The following FAM3B variants were observed in gnomAD, a reference collection of about 807,000 sequenced individuals.
The protein encoded by FAM3B is protein FAM3B.
In FAM3B, 29 loss-of-function variants were observed where a neutral mutation model predicts 28.4. The observed-to-expected ratio is 1.02, with a 90% CI of 0.76 to 1.39. FAM3B has a LOEUF of 1.39. FAM3B is among the 40% of genes most tolerant of loss of function. The pLI is 0.00. For missense variants in FAM3B, 266 were observed against 293.9 expected (o/e 0.91, Z 0.69); for synonymous variants, 91 against 103.0 (o/e 0.88, Z 0.71).
chr21:41,323,102 T>C, intron 2 of FAM3B, 36 bp downstream of exon 2: 1 of 1,596,244 alleles, frequency 6.3e-7, no homozygotes, highest in East Asian at 2.2e-5. Context: ...GCTGCCTTCA[T>C]GGCTTGTGTG....
At chr21:41,342,623 A>G (rs2089017973) in intron 3 of FAM3B, among the ~76,000 whole-genome samples, 1 of 152,082 alleles carries the variant, frequency 6.6e-6, no homozygotes, top group Non-Finnish European at 1.5e-5. Flanking sequence ...TTCAATCACT[A>G]CTGATTTTAG....
chr21:41,310,675 T>C (rs2088703917), intron 1 of FAM3B, among the ~76,000 whole-genome samples: 1 of 152,196 alleles, frequency 6.6e-6, no homozygotes, highest in South Asian at 2.1e-4. Flanking sequence ...TGCACCATCC[T>C]CTGGTACTCC....
At chr21:41,346,975 C>T (rs2089066388) in intron 5 of FAM3B, 38 bp from the exon 6 acceptor site, 2 of 1,587,438 alleles carry the variant, frequency 1.3e-6, no homozygotes, top group African/African-American at 1.3e-5. Flanking sequence ...CCTCAGTGAA[C>T]AGCAAAGACC....
At chr21:41,333,074 C>T (rs1048284344) in intron 2 of FAM3B, among the ~76,000 whole-genome samples, 1 of 147,124 alleles carries the variant, frequency 6.8e-6, no homozygotes, top group African/African-American at 2.5e-5. Context: ...TTACCATAAA[C>T]TCCTCTGTTA....
At chr21:41,343,098 G>T (rs1169589248) in intron 3 of FAM3B, among the ~76,000 whole-genome samples, 1 of 152,156 alleles carries the variant, frequency 6.6e-6, no homozygotes, top group Non-Finnish European at 1.5e-5. Flanking sequence ...TCACTTTCAG[G>T]ATTCAACCCT....
At chr21:41,313,735 C>G (rs112692824), upstream of FAM3B, among the ~76,000 whole-genome samples, 12 of 150,636 alleles carry the variant, frequency 8.0e-5, no homozygotes, top group Non-Finnish European at 7.4e-5. Flanking sequence ...TGAACCTCAT[C>G]ATACAGTATG....
chr21:41,317,802 G>A (rs12106355), intron 1 of FAM3B, among the ~76,000 whole-genome samples: 1 of 152,262 alleles, frequency 6.6e-6, no homozygotes, highest in Admixed American at 6.6e-5. Flanking sequence ...TCACACTCCA[G>A]CAAGTTCTAA....
At chr21:41,306,419 C>T (rs890461572) in intron 1 of FAM3B, among the ~76,000 whole-genome samples, 1 of 152,216 alleles carries the variant, frequency 6.6e-6, no homozygotes, top group Non-Finnish European at 1.5e-5. Flanking sequence ...AGAGGAATCA[C>T]TCTTTATGGT....
rs1011630325 is a variant in FAM3B, at chr21:41,356,028, GA to G, written c.619-1073del. Among the ~76,000 whole-genome samples the G allele has an allele frequency of 1.0e-4, 14 of 138,830 alleles. No individual in the cohort carries two copies. The East Asian group carries it at 2.3e-3, about 22-fold the overall frequency. 91.1% of individuals were successfully genotyped at this position (138,830 alleles called of 152,430 possible). On this transcript the variant is annotated intron_variant, in intron 7 of 7. Coordinates refer to ENST00000357985, the MANE Select transcript of FAM3B (RefSeq NM_058186.4). ...GGAAGGAGCTATACAAGGACTCTGG[GA>G]AAAAAATACATACACACACACACAC... is the stretch of plus-strand genomic sequence containing the variant.
rs866571406 is a variant in FAM3B at position 41,317,302 on chromosome 21, G to T, written c.19+404G>T. ...CGCTTCTCCTTCCGGGGAAGGGTAC[G>T]CGCCTGCCCCTGCCCCTGACCTTGC... On this transcript the variant is annotated intron_variant, in intron 1 of 7. Transcript: ENST00000357985. Among the ~76,000 whole-genome samples, 3 of 147,614 alleles carry T rather than the reference G, an allele frequency of 2.0e-5. No individual in the cohort carries two copies. In the Admixed American group the frequency reaches 2.1e-4, roughly 10 times the overall value.
intron 7 of FAM3B, among the ~76,000 whole-genome samples, chr21:41,351,363 C>T (rs1384463678): frequency 6.6e-6 from 1 of 152,168 alleles, no homozygotes; most frequent in Non-Finnish European, 1.5e-5. Context: ...CCACCTGTGT[C>T]AGCTAAAAGT....
At chr21:41,352,796 A>AAAATAAATAAATAAAT (rs1555873398) in intron 7 of FAM3B, among the ~76,000 whole-genome samples, 1 of 27,574 alleles carries the variant, frequency 3.6e-5, no homozygotes, top group African/African-American at 3.1e-4. Context: ...CTCCATCTCA[A>AAAATAAATAAATAAAT]AAATAAATAA....
intron 7 of FAM3B, 113 bp downstream of exon 7, chr21:41,348,837 GC>G: frequency 1.7e-6 from 2 of 1,210,050 alleles, no homozygotes; most frequent in South Asian, 2.7e-5. Flanking sequence ...AGTTGTGTCA[GC>G]TGTTTCCATG....
intron 1 of FAM3B, chr21:41,322,647 CA>C (rs1308046707): frequency 1.1e-5 from 8 of 718,100 alleles, no homozygotes; most frequent in Non-Finnish European, 2.1e-5. Flanking sequence ...CATAAACGTT[CA>C]AGGACGTTTG....
At position 41,348,600 on chromosome 21, in the gene FAM3B, A is replaced by G. The variant is rs2089085834; in HGVS notation, c.494A>G (p.Asn165Ser). The change falls in exon 7 of 8, where the codon AAC becomes AGC. Residue 165 changes from asparagine to serine, a missense_variant. Transcript: ENST00000357985. ...TYDDGSTRLN[N>S]DAKNAIEALG... ...TTCCCTTTGTCCTGCAGACTGAATAACGATGCCAAGAATGCCATAGAAGCA... is the reference window on the plus strand; with the variant it reads ...TTCCCTTTGTCCTGCAGACTGAATAGCGATGCCAAGAATGCCATAGAAGCA... The G allele has an allele frequency of 1.9e-6, 3 of 1,614,224 alleles. No homozygotes were observed. Among genetic ancestry groups the G allele is most frequent in the East Asian group, 2.2e-5 (1 of 44,892 alleles).
intron 1 of FAM3B, among the ~76,000 whole-genome samples, chr21:41,321,594 T>C (rs184038846): frequency 1.3e-5 from 2 of 152,344 alleles, no homozygotes; most frequent in East Asian, 3.9e-4. Flanking sequence ...TCTTAGCAGT[T>C]TGGAAATTCG....
At position 41,348,677 on chromosome 21, in the gene FAM3B, A is replaced by G. The variant is rs1160688219; in HGVS notation, c.571A>G (p.Ile191Val). 3 of 1,614,120 alleles carry G rather than the reference A, an allele frequency of 1.9e-6. No individual in the cohort carries two copies. In the African/African-American group the frequency reaches 4.0e-5, roughly 22 times the overall value. The change falls in exon 7 of 8, where the codon ATT becomes GTT. Residue 191 changes from isoleucine to valine, a missense_variant. Transcript: ENST00000357985. ...NMKFRSSWVF[I>V]AAKGLELPSE... is the part of the protein sequence containing the mutation. ...GAAATTCAGGTCTAGCTGGGTATTT[A>G]TTGCAGCAAAAGGCTTGGAACTCCC... is the stretch of plus-strand genomic sequence containing the variant.
rs765001710 is a variant in FAM3B at position 41,357,226 on chromosome 21, T to C, written c.*29T>C. The C allele has an allele frequency of 1.7e-5, 25 of 1,500,646 alleles. No homozygotes were observed. The South Asian group carries it at 2.4e-4, about 14-fold the overall frequency. 93.0% of individuals were successfully genotyped at this position (1,500,646 alleles called of 1,614,324 possible). A position where few individuals can be genotyped will look rare whatever the true frequency, so the allele number is the denominator to read the frequency against. On this transcript the variant is annotated 3_prime_UTR_variant, in exon 8 of 8. Transcript: ENST00000357985. The stretch of plus-strand genomic sequence containing the variant: ...TGCAGGGTCCTGAGTAAATGTGTTC[T>C]GTATAAACAAATGCAGCTGGAATCG...
At chr21:41,322,721 T>G in intron 1 of FAM3B, 3 of 747,662 alleles carry the variant, frequency 4.0e-6, no homozygotes, top group Non-Finnish European at 7.3e-6. Context: ...ATTCCTGTCT[T>G]GTTTGTATTC....
Sources: gnomAD v4.1 joint callset for allele counts (sites outside exome capture counted in the v4.1 genomes callset) on GRCh38, gnomAD v4.1.1 for gene constraint, MANE v1.5 for transcripts, NCBI Gene and HGNC (gene_info 2026-07-23, HGNC 2026-07-21) for gene names.